OPHN1: variants seen among roughly 807,000 people sequenced by gnomAD.
OPHN1 encodes the protein oligophrenin 1.
A neutral mutation model predicts 60.7 loss-of-function variants in OPHN1; 11 were observed. The observed-to-expected ratio is 0.18, with a 90% CI of 0.11 to 0.30. The LOEUF (loss-of-function observed/expected upper bound fraction) is 0.30. Among genes scored for constraint, OPHN1 ranks in the 10% least tolerant of loss-of-function variants. The probability of loss-of-function intolerance (pLI) is 1.00; values close to 1 mark genes in which losing one functional copy is unlikely to be tolerated. For missense variants in OPHN1, 449 were observed against 611.0 expected, an observed-to-expected ratio of 0.73 and a Z score of 2.80; for synonymous variants, 226 against 222.6, an observed-to-expected ratio of 1.02 and a Z score of -0.14.
At chrX:68,223,967 G>A (rs757839981) in intron 6 of OPHN1, among the ~76,000 whole-genome samples, 2 of 111,420 alleles carry the variant, frequency 1.8e-5, no homozygotes, top group South Asian at 3.8e-4. Context: ...GGTAAAAATT[G>A]AGAGAATTAC....
At chrX:68,352,361 G>GA (rs11452730) in intron 2 of OPHN1, among the ~76,000 whole-genome samples, 17,460 of 93,410 alleles carry the variant, frequency 0.19, 1,706 homozygotes, top group African/African-American at 0.37. Flanking sequence ...CAAAAGAAAT[G>GA]AAAAAAAAAA....
Position 68,381,837 on chromosome X carries a change from C to G in OPHN1, c.154+51030G>C, listed in dbSNP as rs776904436. 2.7e-5 allele frequency among the ~76,000 whole-genome samples: 3 copies of G among 111,369 alleles called. No homozygotes were observed. The Admixed American group carries it at 2.9e-4, about 11-fold the overall frequency. On this transcript the variant is annotated intron_variant, in intron 2 of 24. Coordinates refer to ENST00000355520, the MANE Select transcript of OPHN1 (RefSeq NM_002547.3). ...CTCTTCCCTTTCTTTCTTTCTCTCT[C>G]TCTCTCGCTGTCTCTTTCTTTCTCT...
intron 2 of OPHN1, among the ~76,000 whole-genome samples, chrX:68,312,248 G>T (rs777395510): frequency 6.0e-4 from 60 of 100,255 alleles, no homozygotes; most frequent in African/African-American, 2.1e-3. Context: ...ACTAGGCTCG[G>T]CTAATTTTTT....
At chrX:68,261,206 G>A (rs901415856) in intron 5 of OPHN1, among the ~76,000 whole-genome samples, 9 of 111,337 alleles carry the variant, frequency 8.1e-5, no homozygotes, top group African/African-American at 2.9e-4. Flanking sequence ...CCACAAAAAA[G>A]CTCAATTCAG....
intron 2 of OPHN1, among the ~76,000 whole-genome samples, chrX:68,304,923 A>C (rs2078138322): frequency 9.0e-6 from 1 of 111,723 alleles, no homozygotes; most frequent in Admixed American, 9.6e-5. Flanking sequence ...TTCTGACTTT[A>C]AGTTCATTCT....
At chrX:68,133,195 C>T (rs2077205262) in intron 15 of OPHN1, 2 of 779,499 alleles carry the variant, frequency 2.6e-6, no homozygotes, top group African/African-American at 2.0e-5. Context: ...AACCTCACTC[C>T]TCAGCACTCA....
In OPHN1 at chrX:68,247,527, G is replaced by A. The variant is rs1279652036; in HGVS notation, c.385-12939C>T. Among the ~76,000 whole-genome samples, 13 of 111,457 alleles carry A rather than the reference G, an allele frequency of 1.2e-4. No homozygotes were observed. In the Admixed American group the frequency reaches 1.3e-3, roughly 11 times the overall value. On this transcript the variant is annotated intron_variant, in intron 5 of 24. Transcript: ENST00000355520. ...TTATAGTCCACCAAGGACAAGAGAT[G>A]CATCCCAAAAGCCCAATATTCCTTT...
chrX:68,111,515 G>T (rs1569215283), intron 18 of OPHN1, among the ~76,000 whole-genome samples: 1 of 112,420 alleles, frequency 8.9e-6, no homozygotes. Context: ...TAGGGATTGT[G>T]CAGATGACCA....
At chrX:68,433,624 C>T, upstream of OPHN1, 1 of 296,500 alleles carries the variant, frequency 3.4e-6, no homozygotes, top group Admixed American at 6.0e-5. Flanking sequence ...AACTGTTTTC[C>T]TTGTACCTTA....
chrX:68,046,388 T>A lies in OPHN1; in HGVS notation c.*784A>T, dbSNP rs1486887024. 1.8e-5 allele frequency: 2 copies of A among 112,374 alleles called. No individual in the cohort carries two copies. The highest frequency in any genetic ancestry group is 6.5e-5 in the African/African-American group (2 of 30,963). 9.3% of individuals were successfully genotyped at this position (112,374 alleles called of 1,213,427 possible). ...TTTAAAAAGAAATGTGTTCAGCTTT[T>A]GTTTGTTTCTTGATTGCTTGACAGG... is the stretch of plus-strand genomic sequence containing the variant. On this transcript the variant is annotated 3_prime_UTR_variant, in exon 25 of 25. Coordinates refer to ENST00000355520, the MANE Select transcript of OPHN1 (RefSeq NM_002547.3).
At chrX:68,211,486 T>C (rs1314622477) in intron 8 of OPHN1, among the ~76,000 whole-genome samples, 1 of 112,838 alleles carries the variant, frequency 8.9e-6, no homozygotes, top group Non-Finnish European at 1.9e-5. Context: ...CTTCATGGCA[T>C]GTCCAGTGCC....
chrX:68,245,090 G>C (rs1263856627), intron 5 of OPHN1, among the ~76,000 whole-genome samples: 4 of 111,546 alleles, frequency 3.6e-5, no homozygotes. Flanking sequence ...TGTAGAAGTA[G>C]ATAACCTTGT....
At chrX:68,270,600 GA>G (rs2077962960) in intron 5 of OPHN1, among the ~76,000 whole-genome samples, 2 of 63,651 alleles carry the variant, frequency 3.1e-5, no homozygotes, top group Non-Finnish European at 5.5e-5. Context: ...GGGGTGGGGG[GA>G]GGGGGGAGGG....
chrX:68,071,658 T>C, intron 20 of OPHN1: 1 of 547,295 alleles, frequency 1.8e-6, no homozygotes. Context: ...AATCCTCTGG[T>C]TGTTTGTTAT....
At chrX:68,133,275 G>A in intron 15 of OPHN1, 1 of 632,542 alleles carries the variant, frequency 1.6e-6, no homozygotes, top group Non-Finnish European at 2.7e-6. Context: ...TGACAAATCG[G>A]AATAATACGT....
chrX:68,300,691 G>A (rs1484392097), intron 2 of OPHN1, among the ~76,000 whole-genome samples: 1 of 112,491 alleles, frequency 8.9e-6, no homozygotes, highest in Non-Finnish European at 1.9e-5. Flanking sequence ...CAGTAAAAAA[G>A]GGCAGGCCCA....
chrX:68,050,756 G>A (rs943645952), intron 23 of OPHN1, among the ~76,000 whole-genome samples: 3 of 111,671 alleles, frequency 2.7e-5, no homozygotes, highest in Non-Finnish European at 5.6e-5. Context: ...AGTTTACATC[G>A]TTCTATTTCC....
At chrX:68,138,470 G>T (rs931391566) in intron 15 of OPHN1, among the ~76,000 whole-genome samples, 6 of 111,843 alleles carry the variant, frequency 5.4e-5, no homozygotes, top group African/African-American at 2.0e-4. Context: ...TTCATGTATT[G>T]TATGACTATA....
intron 5 of OPHN1, among the ~76,000 whole-genome samples, chrX:68,253,030 C>T (rs2077843918): frequency 9.1e-6 from 1 of 109,523 alleles, no homozygotes; most frequent in South Asian, 3.9e-4. Context: ...TAAACACCCA[C>T]TTTGGTTAAA....
Sources: gnomAD v4.1 joint callset for allele counts (sites outside exome capture counted in the v4.1 genomes callset) on GRCh38, gnomAD v4.1.1 for gene constraint, MANE v1.5 for transcripts, NCBI Gene and HGNC (gene_info 2026-07-23, HGNC 2026-07-21) for gene names.